CACNA2D3: variants seen among roughly 807,000 people sequenced by gnomAD.
CACNA2D3 encodes calcium voltage-gated channel auxiliary subunit alpha2delta 3.
In CACNA2D3, 60 loss-of-function variants were observed where a neutral mutation model predicts 160.6. That is an observed-to-expected ratio of 0.37 (90% CI 0.30 to 0.46). The LOEUF (loss-of-function observed/expected upper bound fraction) is 0.46, where lower values mean the gene tolerates loss of function less well. Among genes scored for constraint, CACNA2D3 ranks in the 20% least tolerant of loss-of-function variants. The probability of loss-of-function intolerance (pLI) is 1.00; values close to 1 mark genes in which losing one functional copy is unlikely to be tolerated. For missense variants in CACNA2D3, 1,205 were observed against 1,365.0 expected (o/e 0.88, Z 1.85); for synonymous variants, 558 against 492.9 (o/e 1.13, Z -1.75).
chr3:54,290,519 G>C (rs1197010940), intron 2 of CACNA2D3, among the ~76,000 whole-genome samples: 1 of 151,612 alleles, frequency 6.6e-6, no homozygotes, highest in South Asian at 2.1e-4. Context: ...CAGGGATCTA[G>C]AACTAGAAAT....
At chr3:54,456,766 T>C (rs1441380047) in intron 4 of CACNA2D3, among the ~76,000 whole-genome samples, 1 of 152,024 alleles carries the variant, frequency 6.6e-6, no homozygotes, top group African/African-American at 2.4e-5. Flanking sequence ...AACTACAACT[T>C]TAACCTCTTG....
rs190477757 is a variant in CACNA2D3 at position 55,025,233 on chromosome 3, T to G, written c.2987+6916T>G. ...AGAAAGTGACCTAAAGATTTCAAAC[T>G]AAAGAAATAACTACCTTTCATTCAG... On this transcript the variant is annotated intron_variant, in intron 35 of 37. Transcript: ENST00000474759. 1.1e-4 allele frequency among the ~76,000 whole-genome samples: 17 copies of G among 152,256 alleles called. No individual in the cohort carries two copies. The East Asian group carries it at 3.3e-3, about 29-fold the overall frequency.
chr3:54,220,477 T>C (rs558902306), intron 2 of CACNA2D3, among the ~76,000 whole-genome samples: 8 of 152,198 alleles, frequency 5.3e-5, no homozygotes, highest in Non-Finnish European at 1.0e-4. Flanking sequence ...CACACTCGAA[T>C]GGGACAACTG....
chr3:54,989,650 C>G (rs1702694983), intron 31 of CACNA2D3, among the ~76,000 whole-genome samples: 2 of 152,156 alleles, frequency 1.3e-5, no homozygotes. Flanking sequence ...ATAATTACTT[C>G]CAAGGGTTGC....
At chr3:54,723,788 T>G (rs1701222709) in intron 11 of CACNA2D3, among the ~76,000 whole-genome samples, 1 of 152,196 alleles carries the variant, frequency 6.6e-6, no homozygotes, top group South Asian at 2.1e-4. Context: ...ACCTTCTGCG[T>G]TGATCTCACT....
chr3:54,344,810 C>T (rs1698426569), intron 3 of CACNA2D3, among the ~76,000 whole-genome samples: 1 of 152,156 alleles, frequency 6.6e-6, no homozygotes, highest in Non-Finnish European at 1.5e-5. Context: ...GGCTGCATTC[C>T]TAGACGGCTA....
chr3:54,912,598 G>T (rs1700581805), intron 27 of CACNA2D3, among the ~76,000 whole-genome samples: 1 of 151,664 alleles, frequency 6.6e-6, no homozygotes, highest in Non-Finnish European at 1.5e-5. Flanking sequence ...TTTCCTTCAG[G>T]TCTCTCCTCA....
At chr3:54,546,711 C>T (rs113329376) in intron 5 of CACNA2D3, among the ~76,000 whole-genome samples, 2 of 31,768 alleles carry the variant, frequency 6.3e-5, no homozygotes, top group East Asian at 7.2e-4. Context: ...CACACACACG[C>T]GCGCACACAC....
intron 2 of CACNA2D3, among the ~76,000 whole-genome samples, chr3:54,230,259 A>AT: frequency 6.6e-6 from 1 of 152,060 alleles, no homozygotes; most frequent in South Asian, 2.1e-4. Flanking sequence ...GCCAGATTTC[A>AT]TTTTTTTCTT....
intron 2 of CACNA2D3, among the ~76,000 whole-genome samples, chr3:54,248,385 G>T (rs1186567529): frequency 1.3e-5 from 2 of 151,610 alleles, no homozygotes; most frequent in African/African-American, 4.9e-5. Flanking sequence ...GGAGGCTGAG[G>T]CAGGAGAATC....
intron 3 of CACNA2D3, among the ~76,000 whole-genome samples, chr3:54,354,744 T>C (rs995236397): frequency 6.6e-6 from 1 of 152,246 alleles, no homozygotes; most frequent in Non-Finnish European, 1.5e-5. Flanking sequence ...GCTGGACCCC[T>C]TGGGCTACTT....
chr3:55,021,788 T>C (rs1465200979), intron 35 of CACNA2D3, among the ~76,000 whole-genome samples: 1 of 151,428 alleles, frequency 6.6e-6, no homozygotes, highest in Non-Finnish European at 1.5e-5. Context: ...TTTTGATCTG[T>C]AAATGCTTAA....
chr3:54,504,338 A>G (rs1701336532), intron 5 of CACNA2D3, among the ~76,000 whole-genome samples: 1 of 152,140 alleles, frequency 6.6e-6, no homozygotes, highest in Non-Finnish European at 1.5e-5. Flanking sequence ...GGGCTCTGAC[A>G]TCGGATGGAT....
intron 27 of CACNA2D3, among the ~76,000 whole-genome samples, chr3:54,930,832 A>G (rs1185553063): frequency 2.0e-5 from 3 of 152,192 alleles, no homozygotes; most frequent in South Asian, 4.1e-4. Flanking sequence ...ATGGTGGCTC[A>G]CGCCTGTAAT....
intron 2 of CACNA2D3, among the ~76,000 whole-genome samples, chr3:54,311,146 T>C (rs1703731443): frequency 6.6e-6 from 1 of 152,158 alleles, no homozygotes; most frequent in African/African-American, 2.4e-5. Context: ...ACAGATTCTT[T>C]CCACTGGGCC....
intron 3 of CACNA2D3, among the ~76,000 whole-genome samples, chr3:54,350,986 GT>G (rs796392854): frequency 0.22 from 14,567 of 65,664 alleles, 1,223 homozygotes; most frequent in African/African-American, 0.34. Context: ...TTTTTTGTTT[GT>G]TTTTTTTTTT....
chr3:54,205,928 CAT>C (rs1407543347), intron 2 of CACNA2D3, among the ~76,000 whole-genome samples: 2 of 152,126 alleles, frequency 1.3e-5, no homozygotes, highest in Non-Finnish European at 2.9e-5. Flanking sequence ...TAAGTACGCT[CAT>C]GTGATATTTG....
chr3:54,855,188 T>G (rs1041306313), intron 17 of CACNA2D3, among the ~76,000 whole-genome samples: 1 of 152,076 alleles, frequency 6.6e-6, no homozygotes, highest in Non-Finnish European at 1.5e-5. Context: ...TGGGGGACAC[T>G]CACAGGAAAT....
intron 11 of CACNA2D3, among the ~76,000 whole-genome samples, chr3:54,723,682 C>T (rs772783701): frequency 6.6e-6 from 1 of 152,210 alleles, no homozygotes; most frequent in South Asian, 2.1e-4. Flanking sequence ...TGATGTCCCA[C>T]TCTGCTTCGG....
Sources: gnomAD v4.1 joint callset for allele counts (sites outside exome capture counted in the v4.1 genomes callset) on GRCh38, gnomAD v4.1.1 for gene constraint, MANE v1.5 for transcripts, NCBI Gene and HGNC (gene_info 2026-07-23, HGNC 2026-07-21) for gene names.